TPD52: variants seen among roughly 807,000 people sequenced by gnomAD.
TPD52 encodes the protein prostate and colon associated protein.
A neutral mutation model predicts 31.3 loss-of-function variants in TPD52; 17 were observed. The ratio of observed to expected loss-of-function variants is 0.54; its 90% CI spans 0.37 to 0.82. The LOEUF (loss-of-function observed/expected upper bound fraction) is 0.82, where lower values mean the gene tolerates loss of function less well. TPD52 is among the 40% of genes least tolerant of loss of function. TPD52 has a pLI of 0.00. For missense variants in TPD52, 212 were observed against 240.1 expected (o/e 0.88, Z 0.77); for synonymous variants, 83 against 89.6 (o/e 0.93, Z 0.42).
In TPD52 at chr8:80,038,218, G is replaced by T; in HGVS notation, c.522C>A (p.Thr174=). Residue 174 remains threonine, a synonymous_variant, in exon 8 of 8, where the codon ACC becomes ACA. Transcript: ENST00000518937. ...VENLKSKVGG[T]KPAGGDFGEV... is the part of the protein sequence containing the mutation. Reference sequence around the variant, plus strand: ...CTCCAAAATCACCACCAGCAGGCTTGGTTCCCCCTACTTTAGACTTAAAAA... The same window carrying T: ...CTCCAAAATCACCACCAGCAGGCTTTGTTCCCCCTACTTTAGACTTAAAAA... 1.2e-6 allele frequency: 2 copies of T among 1,613,934 alleles called. No individual in the cohort carries two copies. Among genetic ancestry groups the T allele is most frequent in the Non-Finnish European group, 1.7e-6 (2 of 1,179,908 alleles).
intron 1 of TPD52, among the ~76,000 whole-genome samples, chr8:80,160,590 T>A (rs1292301682): frequency 6.6e-6 from 1 of 152,126 alleles, no homozygotes; most frequent in Non-Finnish European, 1.5e-5. Flanking sequence ...ATGTTTGCAT[T>A]TTTCCCTCTT....
At chr8:80,124,419 C>T (rs2131045731) in intron 1 of TPD52, among the ~76,000 whole-genome samples, 1 of 152,254 alleles carries the variant, frequency 6.6e-6, no homozygotes, top group East Asian at 1.9e-4. Flanking sequence ...GCAGTCCACC[C>T]TCCTCGGCCT....
intron 1 of TPD52, among the ~76,000 whole-genome samples, chr8:80,110,287 C>T (rs1807412361): frequency 6.6e-6 from 1 of 152,164 alleles, no homozygotes; most frequent in South Asian, 2.1e-4. Flanking sequence ...ACTATATTCT[C>T]TCAAGGGTCT....
At chr8:80,145,289 T>C (rs952512776) in intron 1 of TPD52, among the ~76,000 whole-genome samples, 12 of 152,318 alleles carry the variant, frequency 7.9e-5, no homozygotes, top group African/African-American at 2.6e-4. Flanking sequence ...ATAACAGTAA[T>C]CTTGTTTAAT....
rs1809835900 is a variant in TPD52 at position 80,035,444 on chromosome 8, G to T, written c.*2672C>A. On this transcript the variant is annotated 3_prime_UTR_variant, in exon 8 of 8. Coordinates refer to ENST00000518937, the MANE Select transcript of TPD52 (RefSeq NM_001025253.3). ...TCATATCCAGAATATGAAGGGTTTGGAGAGAAGTTGCATAATGGACTTGCC... is the reference window on the plus strand; with the variant it reads ...TCATATCCAGAATATGAAGGGTTTGTAGAGAAGTTGCATAATGGACTTGCC... The T allele has an allele frequency of 6.6e-6, 1 of 152,216 alleles. No individual in the cohort carries two copies. Among genetic ancestry groups the T allele is most frequent in the African/African-American group, 2.4e-5 (1 of 41,456 alleles). 9.4% of individuals were successfully genotyped at this position (152,216 alleles called of 1,614,324 possible).
intron 1 of TPD52, among the ~76,000 whole-genome samples, chr8:80,170,553 A>G (rs781728427): frequency 1.3e-5 from 2 of 152,246 alleles, no homozygotes; most frequent in Non-Finnish European, 2.9e-5. Context: ...AACTTGTGTC[A>G]GGGCTCAAAA....
At chr8:80,095,632 T>TA (rs1563622277) in intron 1 of TPD52, among the ~76,000 whole-genome samples, 1 of 152,156 alleles carries the variant, frequency 6.6e-6, no homozygotes, top group Non-Finnish European at 1.5e-5. Flanking sequence ...CAATTTTCTG[T>TA]AAACCCAAAA....
intron 1 of TPD52, among the ~76,000 whole-genome samples, chr8:80,105,555 G>A (rs865943791): frequency 5.9e-5 from 9 of 152,018 alleles, no homozygotes. Context: ...TGGGGAGCTC[G>A]GTTTTTGAGC....
Position 80,103,592 on chromosome 8 carries a change from A to G in TPD52, c.20-38999T>C, listed in dbSNP as rs559336382. Among the ~76,000 whole-genome samples, 16 of 152,310 alleles carry G rather than the reference A, an allele frequency of 1.1e-4. No homozygotes were observed. The South Asian group carries it at 3.1e-3, about 30-fold the overall frequency. ...ATGATAATGACCTCTGGGAGCAACA[A>G]GCAAACAGATACAGTTACCCCACAG... On this transcript the variant is annotated intron_variant, in intron 1 of 7. Transcript: ENST00000518937.
intron 1 of TPD52, among the ~76,000 whole-genome samples, chr8:80,136,033 G>T: frequency 7.6e-6 from 1 of 131,336 alleles, no homozygotes; most frequent in Non-Finnish European, 1.6e-5. Context: ...CCTAATGCTA[G>T]ATGACGAGTT....
Position 80,064,613 on chromosome 8 carries a change from A to T in TPD52, c.20-20T>A. 1 of 1,598,970 alleles carries T rather than the reference A, an allele frequency of 6.3e-7. No homozygotes were observed. Among genetic ancestry groups the T allele is most frequent in the African/African-American group, 1.3e-5 (1 of 74,702 alleles). On this transcript the variant is annotated intron_variant, in intron 1 of 7. Transcript: ENST00000518937. Reference sequence around the variant, plus strand: ...GCAGACCTGGTTGGGGATTTAAACCATTTTTTAAAGTGCAAAATCTAAGTA... The same window carrying T: ...GCAGACCTGGTTGGGGATTTAAACCTTTTTTTAAAGTGCAAAATCTAAGTA...
At chr8:80,064,144 A>G (rs2130684305) in intron 2 of TPD52, among the ~76,000 whole-genome samples, 1 of 152,262 alleles carries the variant, frequency 6.6e-6, no homozygotes, top group South Asian at 2.1e-4. Flanking sequence ...AGCCAAGGGT[A>G]GAACAAAGTC....
chr8:80,115,190 C>G (rs1586327830), intron 1 of TPD52, among the ~76,000 whole-genome samples: 2 of 152,140 alleles, frequency 1.3e-5, no homozygotes, highest in African/African-American at 4.8e-5. Flanking sequence ...ACTTTTGAAG[C>G]CCAGGCCGAC....
At chr8:80,158,642 C>CA (rs534071979) in intron 1 of TPD52, 121 of 144,532 alleles carry the variant, frequency 8.4e-4, no homozygotes, top group East Asian at 1.2e-3. Flanking sequence ...AACCCTGTCT[C>CA]AAAAAAAAAA....
chr8:80,116,678 G>A (rs909891168), intron 1 of TPD52, among the ~76,000 whole-genome samples: 7 of 151,620 alleles, frequency 4.6e-5, no homozygotes, highest in South Asian at 2.1e-4. Context: ...TACCAAAATC[G>A]GACAAAGATA....
At chr8:80,100,397 CAA>C (rs1183563166) in intron 1 of TPD52, among the ~76,000 whole-genome samples, 1 of 152,168 alleles carries the variant, frequency 6.6e-6, no homozygotes, top group African/African-American at 2.4e-5. Flanking sequence ...AACAAGCAGA[CAA>C]AGAGAAGCAA....
At chr8:80,133,437 T>TGAATTTTCCTTCTTCCCTCCAAAACC in intron 1 of TPD52, among the ~76,000 whole-genome samples, 1 of 152,154 alleles carries the variant, frequency 6.6e-6, no homozygotes, top group Admixed American at 6.5e-5. Flanking sequence ...GAATCAAAAC[T>TGAATTTTCCTTCTTCCCTCCAAAACC]GAATTTTCCT....
chr8:80,065,690 G>A (rs941687533), intron 1 of TPD52, among the ~76,000 whole-genome samples: 3 of 152,140 alleles, frequency 2.0e-5, no homozygotes, highest in Admixed American at 6.5e-5. Context: ...GATCAGTATT[G>A]CTGATACTTT....
At chr8:80,064,002 AAG>A (rs1812839072) in intron 2 of TPD52, among the ~76,000 whole-genome samples, 2 of 129,974 alleles carry the variant, frequency 1.5e-5, no homozygotes, top group African/African-American at 2.9e-5. Context: ...GGAAGGAAGA[AAG>A]AGAGGGGAAG....
Sources: gnomAD v4.1 joint callset for allele counts (sites outside exome capture counted in the v4.1 genomes callset) on GRCh38, gnomAD v4.1.1 for gene constraint, MANE v1.5 for transcripts, NCBI Gene and HGNC (gene_info 2026-07-23, HGNC 2026-07-21) for gene names.